ATP2B3: variants seen among roughly 807,000 people sequenced by gnomAD.
The protein encoded by ATP2B3 is ATPase plasma membrane Ca2+ transporting 3.
A neutral mutation model predicts 70.8 loss-of-function variants in ATP2B3; 12 were observed. The observed-to-expected ratio is 0.17, with a 90% confidence interval of 0.11 to 0.27. The LOEUF (loss-of-function observed/expected upper bound fraction) is 0.27. Among genes scored for constraint, ATP2B3 ranks in the 10% least tolerant of loss-of-function variants. The pLI, the probability that ATP2B3 is intolerant of heterozygous loss-of-function variation, is 1.00. For synonymous variants in ATP2B3, 460 were observed against 497.8 expected (o/e 0.92, Z 1.01); for missense variants, 858 against 1,118.5 (o/e 0.77, Z 3.32).
chrX:153,540,397 C>T (rs186211847), intron 3 of ATP2B3, among the ~76,000 whole-genome samples: 9 of 112,416 alleles, frequency 8.0e-5, no homozygotes, highest in East Asian at 5.6e-4. Flanking sequence ...CATTCCCGTG[C>T]CTCTCTCTCT....
chrX:153,561,330 T>G (rs1191524977), intron 19 of ATP2B3, among the ~76,000 whole-genome samples: 1 of 112,417 alleles, frequency 8.9e-6, no homozygotes, highest in Admixed American at 9.4e-5. Context: ...GACAGGCTGG[T>G]CAGCCCCACT....
intron 21 of ATP2B3, 83 bp downstream of exon 21, chrX:153,565,186 C>G: frequency 9.6e-7 from 1 of 1,042,616 alleles, no homozygotes; most frequent in Non-Finnish European, 1.3e-6. Flanking sequence ...GAGAGCCGGC[C>G]GTCTGCACCC....
Position 153,565,099 on chromosome X carries a change from C to T in ATP2B3, c.3338C>T (p.Thr1113Met), listed in dbSNP as rs368215361. The change falls in exon 21 of 22, where the codon ACG becomes ATG. Residue 1113 changes from threonine to methionine, a missense_variant. Thr to Met is a moderately conservative substitution (Grantham distance 81). Coordinates refer to ENST00000263519, the MANE Select transcript of ATP2B3 (RefSeq NM_001001344.3). Reference protein sequence around the residue: ...LWFRGLNRIQTQIRVVKAFRS... With the variant: ...LWFRGLNRIQMQIRVVKAFRS... The stretch of plus-strand genomic sequence containing the variant: ...TTCCGGGGCCTGAACCGGATTCAGA[C>T]GCAGGTAAGCCCCGACTCGCTCTCG... The T allele has an allele frequency of 8.5e-6, 10 of 1,180,601 alleles. No individual in the cohort carries two copies. The highest frequency in any genetic ancestry group is 5.6e-5 in the South Asian group (3 of 53,286).
At chrX:153,562,372 G>A (rs782251798) in intron 20 of ATP2B3, 130 bp downstream of exon 20, 3 of 554,924 alleles carry the variant, frequency 5.4e-6, no homozygotes, top group Non-Finnish European at 8.6e-6. Context: ...GCTCAGGCCT[G>A]TGACACACCA....
chrX:153,575,354 A>G (rs1260866057), intron 21 of ATP2B3, among the ~76,000 whole-genome samples: 1 of 112,726 alleles, frequency 8.9e-6, no homozygotes, highest in African/African-American at 3.2e-5. Flanking sequence ...ACTTGAAGGA[A>G]GGAGCAGAAG....
chrX:153,578,605 CA>C (rs2090885047), intron 21 of ATP2B3, among the ~76,000 whole-genome samples: 1 of 112,264 alleles, frequency 8.9e-6, no homozygotes, highest in Non-Finnish European at 1.9e-5. Context: ...GCCGGAGGGT[CA>C]GGGGGCTTAA....
chrX:153,564,231 T>G (rs1384591496), intron 20 of ATP2B3, among the ~76,000 whole-genome samples: 1 of 112,871 alleles, frequency 8.9e-6, no homozygotes, highest in East Asian at 2.8e-4. Flanking sequence ...CCAGGGGAGT[T>G]GCGCAAACAG....
At chrX:153,561,741 T>C (rs1322216010) in intron 19 of ATP2B3, among the ~76,000 whole-genome samples, 2 of 112,566 alleles carry the variant, frequency 1.8e-5, no homozygotes, top group Non-Finnish European at 3.8e-5. Context: ...CAGTTTGCAT[T>C]TGGACAGCTT....
At chrX:153,549,761 C>T (rs782584814) in intron 11 of ATP2B3, 22 bp downstream of exon 11, 3 of 1,192,106 alleles carry the variant, frequency 2.5e-6, no homozygotes, top group East Asian at 3.0e-5. Flanking sequence ...CAGGAGCGGG[C>T]GGGCAGGGCC....
chrX:153,549,794 C>G (rs1368804619), intron 11 of ATP2B3, 55 bp downstream of exon 11: 5 of 1,167,890 alleles, frequency 4.3e-6, no homozygotes, highest in Non-Finnish European at 5.7e-6. Context: ...AGGGGAGGGT[C>G]CTGGCCAGGG....
intron 2 of ATP2B3, among the ~76,000 whole-genome samples, chrX:153,531,394 A>C (rs2090115873): frequency 2.7e-5 from 3 of 113,155 alleles, no homozygotes; most frequent in Non-Finnish European, 5.6e-5. Context: ...GTGTTCTAGG[A>C]GCCTGGAGGT....
rs782100027 is a variant in ATP2B3 at position 153,550,032 on chromosome X, C to A, written c.1582-13C>A. 2.5e-6 allele frequency: 3 copies of A among 1,205,086 alleles called. No individual in the cohort carries two copies. Among genetic ancestry groups the A allele is most frequent in the Non-Finnish European group, 3.4e-6 (3 of 891,179 alleles). ...CAGGCCCCCAGTGCCTGCTAGCCCTCGTCATCTTGCAGCCTCCTGAGAAGG... is the reference window on the plus strand; with the variant it reads ...CAGGCCCCCAGTGCCTGCTAGCCCTAGTCATCTTGCAGCCTCCTGAGAAGG... On this transcript the variant is annotated splice_polypyrimidine_tract_variant and intron_variant, in intron 11 of 21. Coordinates refer to ENST00000263519, the MANE Select transcript of ATP2B3 (RefSeq NM_001001344.3).
At chrX:153,577,583 T>C (rs2090873007) in intron 21 of ATP2B3, among the ~76,000 whole-genome samples, 1 of 112,405 alleles carries the variant, frequency 8.9e-6, no homozygotes, top group Admixed American at 9.4e-5. Flanking sequence ...TCTGTTTCTT[T>C]TCATTAAAAA....
chrX:153,535,781 G>A (rs180840754), intron 2 of ATP2B3, among the ~76,000 whole-genome samples: 10 of 113,025 alleles, frequency 8.8e-5, no homozygotes, highest in African/African-American at 2.6e-4. Flanking sequence ...TCACTTCAGC[G>A]TGGGTTCCCG....
rs200179595 is a variant in ATP2B3 at position 153,555,792 on chromosome X, A to ATGCAACAACTC, written c.2059-254_2059-253insAACAACTCTGC. Among the ~76,000 whole-genome samples, 1,120 of 112,976 alleles carry ATGCAACAACTC rather than the reference A, an allele frequency of 9.9e-3. 17 individuals carry two copies. The highest frequency in any genetic ancestry group is 0.034 in the African/African-American group (1,045 of 31,116). On this transcript the variant is annotated intron_variant, in intron 13 of 21. Transcript: ENST00000263519. Reference sequence around the variant, plus strand: ...CAGCAGAAACTTTACTTCGAGTCCCATGCTTTTCCCTTTCAGTGCAGGATT... The same window carrying ATGCAACAACTC: ...CAGCAGAAACTTTACTTCGAGTCCCATGCAACAACTCTGCTTTTCCCTTTCAGTGCAGGATT...
Position 153,556,147 on chromosome X carries a change from C to T in ATP2B3, c.2157C>T (p.Cys719=), listed in dbSNP as rs2090530605. The T allele has an allele frequency of 3.3e-6, 4 of 1,211,170 alleles. No homozygotes were observed. The highest frequency in any genetic ancestry group is 3.5e-5 in the African/African-American group (2 of 57,614). ...INTARAIAAK[C]GIIQPGEDFL... ...CGGCCCGGGCCATCGCAGCCAAATG[C>T]GGCATCATCCAGCCCGGGGAGGACT... The change falls in exon 14 of 22, where the codon TGC becomes TGT. Residue 719 remains cysteine, a synonymous_variant. Transcript: ENST00000263519.
At chrX:153,554,144 G>A (rs1296552145) in intron 13 of ATP2B3, among the ~76,000 whole-genome samples, 1 of 113,858 alleles carries the variant, frequency 8.8e-6, no homozygotes, top group African/African-American at 3.2e-5. Flanking sequence ...CCCGTGCCCC[G>A]AGGAGAACAT....
At position 153,582,478 on chromosome X, in the gene ATP2B3, TCTCA is replaced by T. The variant is rs1181551782; in HGVS notation, c.*2184_*2187del. 1 of 112,814 alleles carries T rather than the reference TCTCA, an allele frequency of 8.9e-6. No individual in the cohort carries two copies. The highest frequency in any genetic ancestry group is 3.2e-5 in the African/African-American group (1 of 30,992). The allele number at this position is 112,814 out of a possible 1,213,427, so 9.3% of individuals were successfully genotyped here. A position where few individuals can be genotyped will look rare whatever the true frequency, so the allele number is the denominator to read the frequency against. ...CGTGCTGCTGCACTCACCGGCTTCTTCTCACTCTCTGTCGTAGACACACCGATAG... is the reference window on the plus strand; with the variant it reads ...CGTGCTGCTGCACTCACCGGCTTCTTCTCTCTGTCGTAGACACACCGATAG... On this transcript the variant is annotated 3_prime_UTR_variant, in exon 22 of 22. Coordinates refer to ENST00000263519, the MANE Select transcript of ATP2B3 (RefSeq NM_001001344.3).
chrX:153,549,098 G>A (rs2090415216), intron 10 of ATP2B3, among the ~76,000 whole-genome samples: 1 of 107,507 alleles, frequency 9.3e-6, no homozygotes, highest in Admixed American at 1.0e-4. Context: ...TGCACAATGT[G>A]GGCAGTAGGA....
Sources: gnomAD v4.1 joint callset for allele counts (sites outside exome capture counted in the v4.1 genomes callset) on GRCh38, gnomAD v4.1.1 for gene constraint, MANE v1.5 for transcripts, NCBI Gene and HGNC (gene_info 2026-07-23, HGNC 2026-07-21) for gene names.